Variants in KIF26B observed in about 807,000 individuals in gnomAD.
The protein encoded by KIF26B is kinesin family member 26B, also known as kinesin-like protein KIF26B.
KIF26B carries 63 observed loss-of-function variants against 151.2 expected under a neutral mutation model. The ratio of observed to expected loss-of-function variants is 0.42; its 90% CI spans 0.34 to 0.51. The LOEUF is 0.51. Ranked by LOEUF, KIF26B falls within the 20% of genes least tolerant of loss-of-function variation. The pLI, the probability that KIF26B is intolerant of heterozygous loss-of-function variation, is 0.07. For synonymous variants in KIF26B, 1,357 were observed against 1,262.1 expected, an observed-to-expected ratio of 1.08 and a Z score of -1.59; for missense variants, 2,813 against 2,913.6, an observed-to-expected ratio of 0.97 and a Z score of 0.79.
chr1:245,446,713 T>C (rs903348049), intron 4 of KIF26B, among the ~76,000 whole-genome samples: 2 of 152,208 alleles, frequency 1.3e-5, no homozygotes, highest in African/African-American at 4.8e-5. Context: ...TTAACTCTTA[T>C]GTGAGCTCTT....
At chr1:245,314,237 C>T (rs2102983812) in intron 2 of KIF26B, among the ~76,000 whole-genome samples, 1 of 152,270 alleles carries the variant, frequency 6.6e-6, no homozygotes, top group South Asian at 2.1e-4. Flanking sequence ...CGCCTGAGGT[C>T]AGGAGCTTGA....
At position 245,674,613 on chromosome 1, in the gene KIF26B, AGTT is replaced by A. The variant is rs1475626790; in HGVS notation, c.2259-9613_2259-9611del. Among the ~76,000 whole-genome samples, 7 of 152,266 alleles carry A rather than the reference AGTT, an allele frequency of 4.6e-5. No homozygotes were observed. The East Asian group carries it at 5.8e-4, about 13-fold the overall frequency. ...ATAAAGTCCACTAATTCACCTTCTAAGTTGTTGTTTTGGGTTTTCATCAAAGTG... is the reference window on the plus strand; with the variant it reads ...ATAAAGTCCACTAATTCACCTTCTAAGTTGTTTTGGGTTTTCATCAAAGTG... On this transcript the variant is annotated intron_variant, in intron 10 of 14. Coordinates refer to ENST00000407071, the MANE Select transcript of KIF26B (RefSeq NM_018012.4).
intron 2 of KIF26B, among the ~76,000 whole-genome samples, chr1:245,171,837 T>C (rs547869960): frequency 1.3e-5 from 2 of 152,316 alleles, no homozygotes; most frequent in South Asian, 4.1e-4. Flanking sequence ...GAGAAGGCCT[T>C]AACCATTTTC....
intron 12 of KIF26B, among the ~76,000 whole-genome samples, chr1:245,691,205 A>G (rs571420797): frequency 6.6e-6 from 1 of 152,180 alleles, no homozygotes; most frequent in African/African-American, 2.4e-5. Flanking sequence ...ACAGTGGAGT[A>G]AAGAGGAAGA....
Position 245,532,383 on chromosome 1 carries a change from C to T in KIF26B, c.1167-8384C>T, listed in dbSNP as rs901924771. On this transcript the variant is annotated intron_variant, in intron 4 of 14. Coordinates refer to ENST00000407071, the MANE Select transcript of KIF26B (RefSeq NM_018012.4). ...GCCTCAGCCTCCCGAGTAGCTGGGA[C>T]TACAGGCGCCCGCCACCATGCCCAG... 1.2e-4 allele frequency among the ~76,000 whole-genome samples: 18 copies of T among 151,576 alleles called. No homozygotes were observed. The South Asian group carries it at 1.3e-3, about 11-fold the overall frequency.
intron 2 of KIF26B, among the ~76,000 whole-genome samples, chr1:245,211,176 TGGTTTGGCTG>T (rs1669515936): frequency 6.6e-6 from 1 of 152,184 alleles, no homozygotes; most frequent in Non-Finnish European, 1.5e-5. Flanking sequence ...AACCGGGATC[TGGTTTGGCTG>T]GGTGTGGGAC....
intron 3 of KIF26B, among the ~76,000 whole-genome samples, chr1:245,381,480 T>A (rs1673408020): frequency 6.6e-6 from 1 of 152,088 alleles, no homozygotes; most frequent in Non-Finnish European, 1.5e-5. Context: ...ATTGCGAGAT[T>A]TTTTTGGTGT....
Position 245,358,401 on chromosome 1 carries a change from T to C in KIF26B, c.466-8433T>C, listed in dbSNP as rs1485268296. 6.6e-6 allele frequency among the ~76,000 whole-genome samples: 1 copy of C among 152,114 alleles called. No individual in the cohort carries two copies. The highest frequency in any genetic ancestry group is 1.5e-5 in the Non-Finnish European group (1 of 68,020). On this transcript the variant is annotated intron_variant, in intron 2 of 14. Coordinates refer to ENST00000407071, the MANE Select transcript of KIF26B (RefSeq NM_018012.4). This position sits in a 1 kb window ranked among gnomAD's most constrained non-coding sequence, Gnocchi z 4.1. The stretch of plus-strand genomic sequence containing the variant: ...CAGGCGTGGTGATGGGTGCCTGTAG[T>C]CCCAGCTACTCGGGAGGCTGAGGCA...
intron 2 of KIF26B, among the ~76,000 whole-genome samples, chr1:245,309,266 G>A (rs898566620): frequency 1.3e-5 from 2 of 152,132 alleles, no homozygotes; most frequent in Non-Finnish European, 2.9e-5. Context: ...GGGATGCCCA[G>A]ATATTTGGTC....
intron 2 of KIF26B, among the ~76,000 whole-genome samples, chr1:245,254,290 G>T (rs1192753257): frequency 6.6e-6 from 1 of 152,092 alleles, no homozygotes. Flanking sequence ...GGCCGTGCTG[G>T]GCACATGGTA....
At chr1:245,314,412 A>T (rs1018863424) in intron 2 of KIF26B, among the ~76,000 whole-genome samples, 2 of 152,206 alleles carry the variant, frequency 1.3e-5, no homozygotes, top group Non-Finnish European at 2.9e-5. Flanking sequence ...AGATCGTGCC[A>T]CTGCACTCCA....
At chr1:245,661,435 G>A (rs902266346) in intron 10 of KIF26B, among the ~76,000 whole-genome samples, 1 of 151,884 alleles carries the variant, frequency 6.6e-6, no homozygotes, top group Admixed American at 6.6e-5. Context: ...CACTGTTAGC[G>A]CAGTAACCTT....
At chr1:245,258,634 G>A (rs1670582129) in intron 2 of KIF26B, among the ~76,000 whole-genome samples, 1 of 152,166 alleles carries the variant, frequency 6.6e-6, no homozygotes, top group Admixed American at 6.5e-5. Context: ...GCGTGGAGCT[G>A]TGGCGTCTCA....
At chr1:245,396,916 A>G (rs898167165) in intron 3 of KIF26B, among the ~76,000 whole-genome samples, 2 of 151,860 alleles carry the variant, frequency 1.3e-5, no homozygotes, top group Admixed American at 6.6e-5. Context: ...GTTATCAATC[A>G]TAAGAACTGT....
intron 2 of KIF26B, among the ~76,000 whole-genome samples, chr1:245,353,328 C>T (rs1236282531): frequency 6.6e-6 from 1 of 152,198 alleles, no homozygotes; most frequent in African/African-American, 2.4e-5. Context: ...AAAAAGACAG[C>T]CTCAGCCTTT....
intron 4 of KIF26B, among the ~76,000 whole-genome samples, chr1:245,507,616 A>G (rs886220721): frequency 4.6e-5 from 7 of 152,166 alleles, no homozygotes; most frequent in African/African-American, 1.7e-4. Context: ...TGGGGCAACA[A>G]GTCCTCCCTT....
chr1:245,263,048 T>A (rs1303104668), intron 2 of KIF26B, among the ~76,000 whole-genome samples: 2 of 152,218 alleles, frequency 1.3e-5, no homozygotes, highest in African/African-American at 4.8e-5. Flanking sequence ...ATTCAGTGAT[T>A]CATGGCGGGG....
At chr1:245,422,920 G>A (rs1232897412) in intron 4 of KIF26B, among the ~76,000 whole-genome samples, 1 of 152,014 alleles carries the variant, frequency 6.6e-6, no homozygotes, top group African/African-American at 2.4e-5. Flanking sequence ...CCAACATGGT[G>A]AGACCCCGTC....
In KIF26B at chr1:245,560,276, A is replaced by T. The variant is rs1427719687; in HGVS notation, c.1350+19326A>T. Among the ~76,000 whole-genome samples, 1 of 152,060 alleles carries T rather than the reference A, an allele frequency of 6.6e-6. No individual in the cohort carries two copies. Among genetic ancestry groups the T allele is most frequent in the Admixed American group, 6.5e-5 (1 of 15,270 alleles). On this transcript the variant is annotated intron_variant, in intron 5 of 14. Coordinates refer to ENST00000407071, the MANE Select transcript of KIF26B (RefSeq NM_018012.4). This position sits in a 1 kb window ranked among gnomAD's most constrained non-coding sequence, Gnocchi z 4.3. The stretch of plus-strand genomic sequence containing the variant: ...TGGCCAGGGACTTTTTCCCTTTTGG[A>T]AGGAGACCCAGATACCCTCCAGACA...
Sources: gnomAD v4.1 joint callset for allele counts (sites outside exome capture counted in the v4.1 genomes callset) on GRCh38, gnomAD v4.1.1 for gene constraint, Gnocchi (gnomAD v3.1) non-coding constraint, MANE v1.5 for transcripts, NCBI Gene and HGNC (gene_info 2026-07-23, HGNC 2026-07-21) for gene names.